The following ATXN8OS variants were observed in gnomAD, a reference collection of about 807,000 sequenced individuals.
The protein encoded by ATXN8OS is ATXN8 opposite strand (non-protein coding).
At chr13:70,159,083 T>G (rs570639184) in intron 4 of ATXN8OS, among the ~76,000 whole-genome samples, 1 of 152,192 alleles carries the variant, frequency 6.6e-6, no homozygotes, top group Admixed American at 6.5e-5. Context: ...GATTAAAATC[T>G]CCTCATTACT....
At chr13:70,126,062 GTTTTA>G (rs766332590) in intron 2 of ATXN8OS, among the ~76,000 whole-genome samples, 2 of 152,094 alleles carry the variant, frequency 1.3e-5, no homozygotes, top group Admixed American at 6.6e-5. Context: ...GACCTTCCTG[GTTTTA>G]TTTTATCTTT....
chr13:70,151,522 A>C (rs1888867216), intron 4 of ATXN8OS, among the ~76,000 whole-genome samples: 1 of 152,110 alleles, frequency 6.6e-6, no homozygotes, highest in South Asian at 2.1e-4. Flanking sequence ...AAGGCACAAG[A>C]AACAGCTTGA....
intron 4 of ATXN8OS, among the ~76,000 whole-genome samples, chr13:70,157,800 C>T (rs1465127944): frequency 6.6e-6 from 1 of 152,142 alleles, no homozygotes; most frequent in Non-Finnish European, 1.5e-5. Context: ...CTTTGATCTT[C>T]TGCATGGAAT....
chr13:70,171,469 T>C (rs1889143760), exon 5 of ATXN8OS, among the ~76,000 whole-genome samples: 1 of 152,120 alleles, frequency 6.6e-6, no homozygotes, highest in Non-Finnish European at 1.5e-5. Flanking sequence ...GATAATTGTG[T>C]ACATTTTAAT....
chr13:70,149,974 G>A (rs1888841454), intron 4 of ATXN8OS, among the ~76,000 whole-genome samples: 2 of 152,110 alleles, frequency 1.3e-5, no homozygotes, highest in Non-Finnish European at 2.9e-5. Flanking sequence ...TCCTAATACA[G>A]AATTCCTGAA....
intron 4 of ATXN8OS, among the ~76,000 whole-genome samples, chr13:70,156,834 T>C (rs983753507): frequency 1.3e-4 from 20 of 152,150 alleles, no homozygotes; most frequent in African/African-American, 4.8e-4. Context: ...ATAAGCTCTC[T>C]CTGCTTTTAC....
chr13:70,127,099 G>A (rs1593761677), intron 2 of ATXN8OS, among the ~76,000 whole-genome samples: 1 of 151,870 alleles, frequency 6.6e-6, no homozygotes, highest in East Asian at 1.9e-4. Flanking sequence ...GAGAGACAGA[G>A]ACAGAAAGAA....
At chr13:70,144,872 G>A (rs112668005) in intron 3 of ATXN8OS, among the ~76,000 whole-genome samples, 1 of 152,000 alleles carries the variant, frequency 6.6e-6, no homozygotes, top group East Asian at 1.9e-4. Flanking sequence ...TTTTTCAAGG[G>A]TATAGTATTG....
chr13:70,143,391 T>TAA lies in ATXN8OS; in HGVS notation n.500-3956_500-3955dup, dbSNP rs566616956. The stretch of plus-strand genomic sequence containing the variant: ...AAATTTGAAGCATCAGTAATAAATC[T>TAA]AAAAAAAAATGGTACTGGGTTTATT... On this transcript the variant is annotated intron_variant and non_coding_transcript_variant, in intron 3 of 4. Transcript: ENST00000678624. 4.8e-3 allele frequency among the ~76,000 whole-genome samples: 724 copies of TAA among 150,982 alleles called. 4 individuals are homozygous for TAA. Among genetic ancestry groups the TAA allele is most frequent in the African/African-American group, 0.017 (692 of 41,192 alleles).
At chr13:70,134,506 C>T (rs1888582049) in intron 3 of ATXN8OS, among the ~76,000 whole-genome samples, 1 of 152,178 alleles carries the variant, frequency 6.6e-6, no homozygotes, top group African/African-American at 2.4e-5. Flanking sequence ...ACTCCATGCA[C>T]TGGTTACCAT....
chr13:70,111,450 G>A (rs1888197595), intron 1 of ATXN8OS, among the ~76,000 whole-genome samples: 1 of 152,150 alleles, frequency 6.6e-6, no homozygotes, highest in Admixed American at 6.5e-5. Flanking sequence ...ATATGGCAAT[G>A]GGGTTAAGCA....
chr13:70,130,756 C>A, intron 3 of ATXN8OS: 1 of 398,450 alleles, frequency 2.5e-6, no homozygotes, highest in Non-Finnish European at 4.4e-6. Flanking sequence ...GACAAGTGTT[C>A]TGTGTTTCTA....
chr13:70,107,691 G>C, upstream of ATXN8OS: 1 of 1,524,768 alleles, frequency 6.6e-7, no homozygotes, highest in Non-Finnish European at 8.8e-7. Flanking sequence ...TTCGCCCAGA[G>C]CCTGACATGC....
At chr13:70,149,392 A>G (rs1888835365) in intron 4 of ATXN8OS, among the ~76,000 whole-genome samples, 1 of 152,236 alleles carries the variant, frequency 6.6e-6, no homozygotes, top group East Asian at 1.9e-4. Flanking sequence ...ATATATTTTT[A>G]CTCTTCATTA....
chr13:70,171,467 T>G (rs182238229), exon 5 of ATXN8OS, among the ~76,000 whole-genome samples: 35 of 152,248 alleles, frequency 2.3e-4, no homozygotes, highest in African/African-American at 7.9e-4. Context: ...AGGATAATTG[T>G]GTACATTTTA....
chr13:70,146,976 A>G (rs1888795512), intron 3 of ATXN8OS, among the ~76,000 whole-genome samples: 1 of 152,200 alleles, frequency 6.6e-6, no homozygotes, highest in Admixed American at 6.5e-5. Flanking sequence ...CATGTTTATT[A>G]AGTCTAAAAT....
At chr13:70,168,520 T>G (rs1304690503) in intron 4 of ATXN8OS, among the ~76,000 whole-genome samples, 1 of 151,846 alleles carries the variant, frequency 6.6e-6, no homozygotes, top group African/African-American at 2.4e-5. Context: ...CCCCTGCCAC[T>G]GCCCCGCCCC....
At chr13:70,158,828 C>T (rs2137503465) in intron 4 of ATXN8OS, among the ~76,000 whole-genome samples, 1 of 152,268 alleles carries the variant, frequency 6.6e-6, no homozygotes, top group East Asian at 1.9e-4. Context: ...TTAAAACCAG[C>T]CTTTACTATG....
chr13:70,108,643 A>T (rs1025001106), intron 1 of ATXN8OS: 2 of 152,248 alleles, frequency 1.3e-5, no homozygotes, highest in African/African-American at 4.8e-5. Flanking sequence ...CTTCCTCGCT[A>T]CATTACTGTG....
Sources: allele counts gnomAD v4.1 joint callset (sites outside exome capture counted in the v4.1 genomes callset), GRCh38; gene constraint gnomAD v4.1.1; transcripts MANE v1.5; gene names NCBI Gene and HGNC (gene_info 2026-07-23, HGNC 2026-07-21).